The following TSC22D1 variants were observed in gnomAD, a reference collection of about 807,000 sequenced individuals.
TSC22D1 encodes the protein TSC22 domain family protein 1.
TSC22D1 carries 9 observed loss-of-function variants against 74.2 expected under a neutral mutation model. The observed-to-expected ratio is 0.12, with a 90% confidence interval of 0.07 to 0.21. The LOEUF (loss-of-function observed/expected upper bound fraction) is 0.21, where lower values mean the gene tolerates loss of function less well. Among genes scored for constraint, TSC22D1 ranks in the 10% least tolerant of loss-of-function variants. The pLI is 1.00. For synonymous variants in TSC22D1, 586 were observed against 492.5 expected, an observed-to-expected ratio of 1.19 and a Z score of -2.51; for missense variants, 1,427 against 1,304.7, an observed-to-expected ratio of 1.09 and a Z score of -1.44.
chr13:44,456,176 C>G (rs1045148518), intron 1 of TSC22D1, among the ~76,000 whole-genome samples: 74 of 152,232 alleles, frequency 4.9e-4, no homozygotes, highest in African/African-American at 1.7e-3. Context: ...TAGTGCAGAC[C>G]CAAAAAGTGA....
intron 1 of TSC22D1, chr13:44,539,879 T>C (rs1881362865): frequency 7.8e-7 from 1 of 1,289,758 alleles, no homozygotes; most frequent in Non-Finnish European, 1.0e-6. Context: ...TGGCTGTATC[T>C]GTGGTTCTAG....
At position 44,433,240 on chromosome 13, in the gene TSC22D1, GATC is replaced by G. The variant is rs1874202670; in HGVS notation, c.*1383_*1385del. ...TTTAAAGCCAAAGGGGAATGTAAGA[GATC>G]ATCTCTTTCAAACCCCTACATCCGT... On this transcript the variant is annotated 3_prime_UTR_variant, in exon 3 of 3. Coordinates refer to ENST00000458659, the MANE Select transcript of TSC22D1 (RefSeq NM_183422.4). 6.6e-6 allele frequency: 1 copy of G among 152,244 alleles called. No individual in the cohort carries two copies. Among genetic ancestry groups the G allele is most frequent in the African/African-American group, 2.4e-5 (1 of 41,458 alleles). The allele number at this position is 152,244 out of a possible 1,614,324, so 9.4% of individuals were successfully genotyped here.
intron 1 of TSC22D1, among the ~76,000 whole-genome samples, chr13:44,519,203 A>C (rs1880191436): frequency 6.6e-6 from 1 of 152,242 alleles, no homozygotes; most frequent in Non-Finnish European, 1.5e-5. Flanking sequence ...GATTCAAAGC[A>C]GTATGTTTTA....
intron 1 of TSC22D1, among the ~76,000 whole-genome samples, chr13:44,526,348 A>G (rs1880545698): frequency 6.6e-6 from 1 of 152,166 alleles, no homozygotes; most frequent in Non-Finnish European, 1.5e-5. Flanking sequence ...GAGAATCAAA[A>G]GGAAATGCCA....
At chr13:44,512,657 C>CTTTT (rs1555268940) in intron 1 of TSC22D1, among the ~76,000 whole-genome samples, 1 of 151,310 alleles carries the variant, frequency 6.6e-6, no homozygotes, top group Non-Finnish European at 1.5e-5. Context: ...TAAAAGCAAT[C>CTTTT]TTTTTTGTTT....
At chr13:44,505,499 A>G (rs562481283) in intron 1 of TSC22D1, among the ~76,000 whole-genome samples, 1 of 152,316 alleles carries the variant, frequency 6.6e-6, no homozygotes, top group African/African-American at 2.4e-5. Context: ...GGCTGCAGTA[A>G]GCCAACACTG....
At chr13:44,562,106 C>A (rs1883080971) in intron 1 of TSC22D1, among the ~76,000 whole-genome samples, 1 of 152,188 alleles carries the variant, frequency 6.6e-6, no homozygotes. Flanking sequence ...GTGGCGCCAT[C>A]TCACCTCACT....
intron 1 of TSC22D1, 73 bp downstream of exon 1, chr13:44,573,090 T>C: frequency 2.0e-6 from 3 of 1,521,364 alleles, no homozygotes; most frequent in Admixed American, 2.2e-5. Context: ...AGTCATTTTG[T>C]GCATACATAT....
chr13:44,491,270 G>C (rs559626455), intron 1 of TSC22D1, among the ~76,000 whole-genome samples: 1 of 152,108 alleles, frequency 6.6e-6, no homozygotes, highest in African/African-American at 2.4e-5. Flanking sequence ...TTAGTATCCA[G>C]AGGCCGGGCG....
In TSC22D1 at chr13:44,574,492, T is replaced by G; in HGVS notation, c.1583A>C (p.Gln528Pro). 6.2e-7 allele frequency: 1 copy of G among 1,614,236 alleles called. No homozygotes were observed. Among genetic ancestry groups the G allele is most frequent in the Non-Finnish European group, 8.5e-7 (1 of 1,180,042 alleles). Residue 528 changes from glutamine (Q) to proline (P), a missense_variant, in exon 1 of 3, where the codon CAG (glutamine) becomes CCG (proline). Around this residue, in one of 3 missense-constraint regions of TSC22D1, gnomAD observed 1,343 missense variants for 1,191.5 expected, o/e 1.13. Coordinates refer to ENST00000458659, the MANE Select transcript of TSC22D1 (RefSeq NM_183422.4). Reference sequence around the variant, plus strand: ...TGGTATACTAACTGCTGGAATACTCTGTGGACCAGTGCTACCAAAATCCAT... The same window carrying G: ...TGGTATACTAACTGCTGGAATACTCGGTGGACCAGTGCTACCAAAATCCAT... ...QQMDFGSTGP[Q>P]SIPAVSIPQS...
chr13:44,571,344 G>T (rs1883751061), intron 1 of TSC22D1, among the ~76,000 whole-genome samples: 1 of 151,872 alleles, frequency 6.6e-6, no homozygotes, highest in African/African-American at 2.4e-5. Context: ...TCTTAAACTG[G>T]GACCCTATTC....
chr13:44,483,720 C>A lies in TSC22D1; in HGVS notation c.2913-47625G>T, dbSNP rs185018551. Reference sequence around the variant, plus strand: ...ACAAGATCTACAAAAATTGGCTGACCCTGAACATAGACAGGATATTATTTG... The same window carrying A: ...ACAAGATCTACAAAAATTGGCTGACACTGAACATAGACAGGATATTATTTG... On this transcript the variant is annotated intron_variant, in intron 1 of 2. Coordinates refer to ENST00000458659, the MANE Select transcript of TSC22D1 (RefSeq NM_183422.4). 1.3e-3 allele frequency among the ~76,000 whole-genome samples: 198 copies of A among 151,766 alleles called. 2 individuals carry two copies. In the South Asian group the frequency reaches 0.015, roughly 12 times the overall value.
chr13:44,517,857 A>ATTT lies in TSC22D1; in HGVS notation c.2912+55303_2912+55305dup, dbSNP rs71070912. Among the ~76,000 whole-genome samples the ATTT allele has an allele frequency of 3.1e-4, 5 of 16,174 alleles. 1 individual carries two copies. Among genetic ancestry groups the ATTT allele is most frequent in the Non-Finnish European group, 4.2e-4 (3 of 7,182 alleles). 10.6% of individuals were successfully genotyped at this position (16,174 alleles called of 152,430 possible). A position where few individuals can be genotyped will look rare whatever the true frequency, so the allele number is the denominator to read the frequency against. On this transcript the variant is annotated intron_variant, in intron 1 of 2. Transcript: ENST00000458659. ...TATATATATATATATATATATATAT[A>ATTT]TTTTTTTTTTTTTTTTTTTTTTAAC...
At chr13:44,534,153 G>C (rs954894840) in intron 1 of TSC22D1, among the ~76,000 whole-genome samples, 1 of 151,410 alleles carries the variant, frequency 6.6e-6, no homozygotes, top group Admixed American at 6.6e-5. Flanking sequence ...TGAACCTGGG[G>C]AGTTCGAGGC....
chr13:44,434,276 G>A lies in TSC22D1; in HGVS notation c.*350C>T, dbSNP rs1276871241. 5.0e-6 allele frequency: 7 copies of A among 1,388,682 alleles called. No homozygotes were observed. In the Admixed American group the frequency reaches 1.1e-4, roughly 21 times the overall value. 86.0% of individuals were successfully genotyped at this position (1,388,682 alleles called of 1,614,324 possible). A position where few individuals can be genotyped will look rare whatever the true frequency, so the allele number is the denominator to read the frequency against. On this transcript the variant is annotated 3_prime_UTR_variant, in exon 3 of 3. Transcript: ENST00000458659. ...CCATGTAGGACACTAAGCGCAAGCA[G>A]GAGAGAGAACCCTTGGAAGTGAGGG...
chr13:44,538,235 A>G, intron 1 of TSC22D1: 1 of 985,360 alleles, frequency 1.0e-6, no homozygotes, highest in Non-Finnish European at 1.2e-6. Flanking sequence ...AAGACAGACC[A>G]AGCTACTTAC....
intron 1 of TSC22D1, among the ~76,000 whole-genome samples, chr13:44,531,322 A>G (rs915624575): frequency 2.0e-5 from 3 of 152,168 alleles, no homozygotes; most frequent in Non-Finnish European, 4.4e-5. Context: ...TAATTCAGAC[A>G]CTGAGGTTCT....
intron 1 of TSC22D1, among the ~76,000 whole-genome samples, chr13:44,461,119 A>C (rs866712335): frequency 3.9e-5 from 6 of 152,230 alleles, no homozygotes; most frequent in African/African-American, 1.4e-4. Context: ...ATCCTAGGTA[A>C]TATAATAAGC....
intron 1 of TSC22D1, among the ~76,000 whole-genome samples, chr13:44,489,139 T>C (rs2137952586): frequency 6.6e-6 from 1 of 151,812 alleles, no homozygotes; most frequent in South Asian, 2.1e-4. Flanking sequence ...TTTTCAAATA[T>C]TGGTGCTGAG....
Sources: gnomAD v4.1 joint callset for allele counts (sites outside exome capture counted in the v4.1 genomes callset) on GRCh38, gnomAD v4.1.1 for gene constraint, gnomAD v4.1.1 regional missense constraint, MANE v1.5 for transcripts, NCBI Gene and HGNC (gene_info 2026-07-23, HGNC 2026-07-21) for gene names.